The following ADD2 variants were observed in gnomAD, a reference collection of about 807,000 sequenced individuals.
The protein encoded by ADD2 is adducin 2, also known as beta-adducin.
A neutral mutation model predicts 83.0 loss-of-function variants in ADD2; 23 were observed. The ratio of observed to expected loss-of-function variants is 0.28; its 90% CI spans 0.20 to 0.39. The LOEUF (loss-of-function observed/expected upper bound fraction) is 0.39. ADD2 is among the 10% of genes least tolerant of loss of function. The pLI is 1.00. For missense variants in ADD2, 758 were observed against 944.9 expected, an observed-to-expected ratio of 0.80 and a Z score of 2.59; for synonymous variants, 375 against 375.4, an observed-to-expected ratio of 1.00 and a Z score of 0.01.
At chr2:70,764,203 A>G (rs1553385560) in intron 1 of ADD2, among the ~76,000 whole-genome samples, 1 of 151,850 alleles carries the variant, frequency 6.6e-6, no homozygotes, top group East Asian at 1.9e-4. Context: ...TCATTTTCTT[A>G]GATGTAAGGT....
chr2:70,760,625 G>A (rs868988432), intron 1 of ADD2: 1 of 152,184 alleles, frequency 6.6e-6, no homozygotes. Flanking sequence ...AAGGTGAGTT[G>A]TTACCTCCAG....
At chr2:70,757,524 C>T (rs923617234) in intron 1 of ADD2, among the ~76,000 whole-genome samples, 27 of 151,898 alleles carry the variant, frequency 1.8e-4, no homozygotes, top group Admixed American at 5.9e-4. Context: ...TGGTAACAGA[C>T]GTAGCTAATT....
At chr2:70,760,858 C>CT (rs1553384723) in intron 1 of ADD2, among the ~76,000 whole-genome samples, 2 of 152,146 alleles carry the variant, frequency 1.3e-5, no homozygotes, top group African/African-American at 4.8e-5. Context: ...CTTTTGTGGA[C>CT]TTTCATAGTT....
At chr2:70,701,066 C>G (rs183332989) in intron 4 of ADD2, among the ~76,000 whole-genome samples, 1 of 152,106 alleles carries the variant, frequency 6.6e-6, no homozygotes, top group Admixed American at 6.5e-5. Context: ...TATGAAATTA[C>G]AGTCATGGTA....
At chr2:70,670,244 T>C (rs1669843723) in intron 15 of ADD2, among the ~76,000 whole-genome samples, 1 of 152,370 alleles carries the variant, frequency 6.6e-6, no homozygotes, top group South Asian at 2.1e-4. Flanking sequence ...GACTAACTTA[T>C]GTAAAGCATA....
chr2:70,722,980 G>A (rs2104442977), intron 1 of ADD2, among the ~76,000 whole-genome samples: 1 of 152,270 alleles, frequency 6.6e-6, no homozygotes, highest in East Asian at 1.9e-4. Flanking sequence ...TCTGCCCTAT[G>A]TTTTCCCAAA....
intron 6 of ADD2, among the ~76,000 whole-genome samples, chr2:70,694,733 C>T (rs917289039): frequency 3.3e-5 from 5 of 152,172 alleles, no homozygotes; most frequent in Non-Finnish European, 7.3e-5. Flanking sequence ...CGCCTCCTCC[C>T]TCATTCCCTC....
intron 11 of ADD2, 126 bp from the exon 12 acceptor site, chr2:70,678,003 C>G: frequency 7.8e-7 from 1 of 1,281,546 alleles, no homozygotes; most frequent in South Asian, 1.4e-5. Context: ...CTCATAGACA[C>G]TCTCTCTTCT....
chr2:70,691,269 T>C (rs902714911), intron 7 of ADD2, among the ~76,000 whole-genome samples: 3 of 152,150 alleles, frequency 2.0e-5, no homozygotes, highest in Admixed American at 2.0e-4. Flanking sequence ...CATACAACTC[T>C]GGGAAGAGGC....
intron 14 of ADD2, 96 bp from the exon 15 acceptor site, chr2:70,673,102 T>G: frequency 6.5e-7 from 1 of 1,536,324 alleles, no homozygotes; most frequent in Non-Finnish European, 8.9e-7. Context: ...TTCTATTTGG[T>G]CATCAATCCT....
At chr2:70,739,235 A>T (rs34967556) in intron 1 of ADD2, among the ~76,000 whole-genome samples, 40,547 of 152,154 alleles carry the variant, frequency 0.27, 5,962 homozygotes, top group East Asian at 0.57. Context: ...ACATGAAGAC[A>T]CTTTTAAAAA....
chr2:70,719,111 T>A (rs782507641), intron 1 of ADD2, among the ~76,000 whole-genome samples: 1 of 152,200 alleles, frequency 6.6e-6, no homozygotes, highest in African/African-American at 2.4e-5. Context: ...GTAAAGAAGA[T>A]CCTGCTGGCC....
chr2:70,672,860 C>T lies in ADD2; in HGVS notation c.1870+18G>A. 6.2e-7 allele frequency: 1 copy of T among 1,602,792 alleles called. No homozygotes were observed. Among genetic ancestry groups the T allele is most frequent in the Non-Finnish European group, 8.5e-7 (1 of 1,176,062 alleles). On this transcript the variant is annotated intron_variant, in intron 15 of 15. Transcript: ENST00000264436. ...TGCACCCCTCTCCCTCCCTCCCAGC[C>T]TACTCAGCTGGACTCACCCTCTAAA...
chr2:70,675,666 G>A, intron 13 of ADD2: 1 of 985,470 alleles, frequency 1.0e-6, no homozygotes, highest in Non-Finnish European at 1.2e-6. Context: ...AGGGAGGTGA[G>A]CCTGGAGGCT....
intron 1 of ADD2, among the ~76,000 whole-genome samples, chr2:70,737,409 G>A (rs1673629586): frequency 2.0e-5 from 3 of 152,044 alleles, no homozygotes; most frequent in Admixed American, 6.6e-5. Context: ...AAAAGGATGA[G>A]TTCATATCCT....
At chr2:70,709,939 A>G (rs1273642249) in intron 2 of ADD2, among the ~76,000 whole-genome samples, 1 of 152,208 alleles carries the variant, frequency 6.6e-6, no homozygotes, top group Non-Finnish European at 1.5e-5. Context: ...ATAGAACTGC[A>G]TCAGAGCCAC....
chr2:70,729,283 T>C (rs1673163621), intron 1 of ADD2, among the ~76,000 whole-genome samples: 1 of 152,186 alleles, frequency 6.6e-6, no homozygotes, highest in African/African-American at 2.4e-5. Context: ...CCTTGACCCC[T>C]GGGCTGGAAT....
In ADD2 at chr2:70,672,972, T is replaced by C. The variant is rs1218887836; in HGVS notation, c.1776A>G (p.Ser592=). The C allele has an allele frequency of 3.1e-6, 5 of 1,613,798 alleles. No individual in the cohort carries two copies. Among genetic ancestry groups the C allele is most frequent in the African/African-American group, 1.3e-5 (1 of 74,920 alleles). ...EKETAPEEPG[S]PAKSAPASPV... is the part of the protein sequence containing the mutation. The stretch of plus-strand genomic sequence containing the variant: ...GAGAAGCAGGTGCAGACTTTGCAGG[T>C]GAGCCAGGCTCTTCTGGGGCAGTTT... The change falls in exon 15 of 16, where the codon TCA becomes TCG. Residue 592 remains serine, a synonymous_variant. Transcript: ENST00000264436.
rs1420929380 is a variant in ADD2, at chr2:70,659,237, C to G, written c.*4188G>C. The G allele has an allele frequency of 6.6e-6, 1 of 151,230 alleles. No individual in the cohort carries two copies. The highest frequency in any genetic ancestry group is 2.4e-5 in the African/African-American group (1 of 41,158). 9.4% of individuals were successfully genotyped at this position (151,230 alleles called of 1,614,324 possible). A position where few individuals can be genotyped will look rare whatever the true frequency, so the allele number is the denominator to read the frequency against. ...AGGCTGTGTGTTTACCCTCCACATA[C>G]CTTCATGGAAAAATTGAAAATTATT... On this transcript the variant is annotated 3_prime_UTR_variant, in exon 16 of 16. Transcript: ENST00000264436.
Sources: gnomAD v4.1 joint callset for allele counts (sites outside exome capture counted in the v4.1 genomes callset) on GRCh38, gnomAD v4.1.1 for gene constraint, MANE v1.5 for transcripts, NCBI Gene and HGNC (gene_info 2026-07-23, HGNC 2026-07-21) for gene names.